The following TCEA1 variants were observed in gnomAD, a reference collection of about 807,000 sequenced individuals.
TCEA1 encodes the protein transcription elongation factor A1, also known as transcription elongation factor A protein 1.
TCEA1 carries 21 observed loss-of-function variants against 43.8 expected under a neutral mutation model. The observed-to-expected ratio is 0.48, with a 90% CI of 0.34 to 0.69. TCEA1 has a LOEUF of 0.69. TCEA1 is among the 30% of genes least tolerant of loss of function. The probability of loss-of-function intolerance (pLI) is 0.01; values close to 1 mark genes in which losing one functional copy is unlikely to be tolerated. For missense variants in TCEA1, 250 were observed against 365.1 expected (o/e 0.68, Z 2.57); for synonymous variants, 104 against 117.5 (o/e 0.88, Z 0.75).
intron 6 of TCEA1, among the ~76,000 whole-genome samples, chr8:53,986,111 G>A (rs1794963755): frequency 6.6e-6 from 1 of 152,138 alleles, no homozygotes; most frequent in Admixed American, 6.5e-5. Flanking sequence ...AAACAATTAT[G>A]ACCACTTGAA....
chr8:54,021,402 T>C (rs1372539953), intron 1 of TCEA1: 1 of 152,162 alleles, frequency 6.6e-6, no homozygotes, highest in Non-Finnish European at 1.5e-5. Context: ...TTTGTCCAAA[T>C]CCCTCTACCA....
At chr8:54,017,582 C>G (rs1343444828) in intron 1 of TCEA1, among the ~76,000 whole-genome samples, 1 of 152,106 alleles carries the variant, frequency 6.6e-6, no homozygotes, top group Non-Finnish European at 1.5e-5. Flanking sequence ...TTCAGGAGTT[C>G]TAGATCAGCC....
chr8:53,989,927 GC>G (rs930620931), intron 4 of TCEA1, among the ~76,000 whole-genome samples: 2 of 152,004 alleles, frequency 1.3e-5, no homozygotes, highest in Non-Finnish European at 2.9e-5. Context: ...ATGCCACCAT[GC>G]CCAGTTAATT....
At position 53,967,601 on chromosome 8, in the gene TCEA1, AT is replaced by A. The variant is rs1803022671; in HGVS notation, c.*502del. 2 of 201,282 alleles carry A rather than the reference AT, an allele frequency of 9.9e-6. No homozygotes were observed. Among genetic ancestry groups the A allele is most frequent in the African/African-American group, 4.6e-5 (2 of 43,630 alleles). The allele number at this position is 201,282 out of a possible 1,614,324, so 12.5% of individuals were successfully genotyped here. A position where few individuals can be genotyped will look rare whatever the true frequency, so the allele number is the denominator to read the frequency against. On this transcript the variant is annotated 3_prime_UTR_variant, in exon 10 of 10. Transcript: ENST00000521604. The stretch of plus-strand genomic sequence containing the variant: ...CAAATTCATAAGCTACCTCAAAATT[AT>A]GTACATTTTAGATAAGCTGGTCAAG...
intron 8 of TCEA1, among the ~76,000 whole-genome samples, chr8:53,978,251 A>T (rs866518621): frequency 2.5e-4 from 38 of 151,918 alleles, no homozygotes; most frequent in Middle Eastern, 3.4e-3. Context: ...AATAATAATA[A>T]TTTTTTTTAA....
chr8:53,975,387 T>C (rs908959350), intron 8 of TCEA1, among the ~76,000 whole-genome samples: 5 of 152,220 alleles, frequency 3.3e-5, no homozygotes, highest in African/African-American at 4.8e-5. Flanking sequence ...AATTCCACTG[T>C]TGGGTACATA....
rs973656894 is a variant in TCEA1, at chr8:53,991,119, G to A, written c.320+2549C>T. 8.5e-5 allele frequency among the ~76,000 whole-genome samples: 13 copies of A among 152,250 alleles called. No individual in the cohort carries two copies. In the East Asian group the frequency reaches 9.7e-4, roughly 11 times the overall value. ...GATAAAAGACAACGAGAGGCCAGGCGCAGTGGCTCACGACAGTAATCCCAG... is the reference window on the plus strand; with the variant it reads ...GATAAAAGACAACGAGAGGCCAGGCACAGTGGCTCACGACAGTAATCCCAG... On this transcript the variant is annotated intron_variant, in intron 4 of 9. Coordinates refer to ENST00000521604, the MANE Select transcript of TCEA1 (RefSeq NM_006756.4).
At chr8:53,983,161 G>A (rs1317966168) in intron 7 of TCEA1, among the ~76,000 whole-genome samples, 1 of 152,136 alleles carries the variant, frequency 6.6e-6, no homozygotes, top group Non-Finnish European at 1.5e-5. Context: ...TTTTTAGCAA[G>A]GTGTACATTG....
chr8:53,991,520 C>G (rs1285002713), intron 4 of TCEA1, among the ~76,000 whole-genome samples: 1 of 151,898 alleles, frequency 6.6e-6, no homozygotes, highest in Admixed American at 6.6e-5. Context: ...AATGGAGAAA[C>G]CCCGTCTCCA....
chr8:53,993,650 G>A lies in TCEA1; in HGVS notation c.320+18C>T. ...ACTATGACTTTCAATATAAATATAT[G>A]TCTATACTGTGAAGTACCTTTCTTC... On this transcript the variant is annotated intron_variant, in intron 4 of 9. Transcript: ENST00000521604. 1 of 1,586,870 alleles carries A rather than the reference G, an allele frequency of 6.3e-7. No homozygotes were observed.
intron 2 of TCEA1, among the ~76,000 whole-genome samples, chr8:54,003,322 C>T (rs997701819): frequency 6.6e-6 from 1 of 152,154 alleles, no homozygotes; most frequent in Admixed American, 6.5e-5. Flanking sequence ...AATGCAATGC[C>T]TATCAGAATC....
chr8:53,970,116 T>G, intron 9 of TCEA1: 1 of 369,722 alleles, frequency 2.7e-6, no homozygotes, highest in East Asian at 4.9e-5. Context: ...GAATATAGTA[T>G]AAATAGGACA....
chr8:53,971,993 T>C (rs1390102153), intron 8 of TCEA1: 1 of 196,370 alleles, frequency 5.1e-6, no homozygotes, highest in Non-Finnish European at 1.0e-5. Context: ...AAAAAAACAT[T>C]ATTCAACATA....
rs1243445516 is a variant in TCEA1 at position 54,012,218 on chromosome 8, T to TA, written c.64-1727dup. On this transcript the variant is annotated intron_variant, in intron 1 of 9. Transcript: ENST00000521604. Reference sequence around the variant, plus strand: ...CAGCTAAACCTAACCACAACACATGTAAAGCTATTTGTGCTCTATGCCACG... The same window carrying TA: ...CAGCTAAACCTAACCACAACACATGTAAAAGCTATTTGTGCTCTATGCCACG... Among the ~76,000 whole-genome samples, 11 of 152,330 alleles carry TA rather than the reference T, an allele frequency of 7.2e-5. No homozygotes were observed. In the South Asian group the frequency reaches 1.5e-3, roughly 20 times the overall value.
chr8:53,983,304 T>C (rs1199809123), intron 7 of TCEA1, among the ~76,000 whole-genome samples: 2 of 152,228 alleles, frequency 1.3e-5, no homozygotes, highest in African/African-American at 2.4e-5. Flanking sequence ...TGTCACTTTA[T>C]TGCAGTAGTC....
At chr8:54,002,777 G>C (rs1479162155) in intron 2 of TCEA1, 5 of 405,916 alleles carry the variant, frequency 1.2e-5, no homozygotes, top group Non-Finnish European at 2.4e-5. Context: ...CTTGACTGCA[G>C]GACTAATGAA....
intron 2 of TCEA1, among the ~76,000 whole-genome samples, chr8:54,008,563 G>T (rs1804550153): frequency 6.6e-6 from 1 of 151,802 alleles, no homozygotes; most frequent in African/African-American, 2.4e-5. Context: ...GACGGGAGGG[G>T]CTGAGGTGGG....
intron 1 of TCEA1, among the ~76,000 whole-genome samples, chr8:54,019,926 AAACT>A (rs1213277932): frequency 7.2e-5 from 11 of 152,200 alleles, no homozygotes; most frequent in African/African-American, 2.4e-4. Context: ...AACTACCTGA[AAACT>A]TAGATTTGAG....
chr8:54,010,068 C>T (rs1181044455), intron 2 of TCEA1: 1 of 204,322 alleles, frequency 4.9e-6, no homozygotes, highest in Non-Finnish European at 9.7e-6. Flanking sequence ...AGGAGCGACA[C>T]CTTGCCATCC....
Sources: gnomAD v4.1 joint callset for allele counts (sites outside exome capture counted in the v4.1 genomes callset) on GRCh38, gnomAD v4.1.1 for gene constraint, MANE v1.5 for transcripts, NCBI Gene and HGNC (gene_info 2026-07-23, HGNC 2026-07-21) for gene names.